RFC3: variants seen among roughly 807,000 people sequenced by gnomAD.
RFC3 encodes the protein replication factor C subunit 3, also known as A1 38 kDa subunit.
Under a neutral mutation model 45.1 loss-of-function variants are expected in RFC3, and 41 were observed. The ratio of observed to expected loss-of-function variants is 0.91; its 90% CI spans 0.71 to 1.18. The LOEUF is 1.18. Among genes scored for constraint, RFC3 ranks in the 50% most tolerant of loss-of-function variants. The pLI is 0.00. For missense variants in RFC3, 423 were observed against 428.1 expected (o/e 0.99, Z 0.10); for synonymous variants, 149 against 144.0 (o/e 1.03, Z -0.25).
chr13:33,959,670 G>A (rs548282037), intron 8 of RFC3, among the ~76,000 whole-genome samples: 1 of 152,106 alleles, frequency 6.6e-6, no homozygotes, highest in South Asian at 2.1e-4. Flanking sequence ...AGTGATCTCT[G>A]GCACTACATG....
chr13:33,971,263 A>T (rs1016046863), downstream of RFC3, among the ~76,000 whole-genome samples: 29 of 152,168 alleles, frequency 1.9e-4, no homozygotes, highest in African/African-American at 7.0e-4. Flanking sequence ...TTGGATGAAA[A>T]TTTTGACCTT....
At chr13:33,932,713 G>T (rs752223756) in intron 8 of RFC3, among the ~76,000 whole-genome samples, 2 of 152,128 alleles carry the variant, frequency 1.3e-5, no homozygotes, top group Non-Finnish European at 2.9e-5. Flanking sequence ...GTAAAATAAT[G>T]CATGGTCCAC....
At chr13:33,917,907 G>C (rs1363562702) in intron 8 of RFC3, among the ~76,000 whole-genome samples, 2 of 152,028 alleles carry the variant, frequency 1.3e-5, no homozygotes, top group East Asian at 1.9e-4. Flanking sequence ...AGCCAGTAAG[G>C]GGGTGTCAGA....
chr13:33,823,868 G>A, intron 2 of RFC3, 49 bp from the exon 3 acceptor site: 2 of 943,194 alleles, frequency 2.1e-6, no homozygotes, highest in South Asian at 1.6e-5. Context: ...AAAGAGTGGG[G>A]AAATAGGCAA....
At chr13:33,942,021 G>A (rs2082927472) in intron 8 of RFC3, among the ~76,000 whole-genome samples, 1 of 151,940 alleles carries the variant, frequency 6.6e-6, no homozygotes, top group Non-Finnish European at 1.5e-5. Context: ...ATGATCTGTT[G>A]AATTGTCAAT....
At chr13:33,855,067 C>T (rs944728709) in intron 8 of RFC3, among the ~76,000 whole-genome samples, 3 of 152,106 alleles carry the variant, frequency 2.0e-5, no homozygotes, top group African/African-American at 7.2e-5. Context: ...AACTCTACTT[C>T]CCTAAAAGGG....
intron 8 of RFC3, among the ~76,000 whole-genome samples, chr13:33,902,361 G>A (rs1211302928): frequency 1.3e-5 from 2 of 152,136 alleles, no homozygotes; most frequent in East Asian, 3.9e-4. Context: ...GTCTTTGCAG[G>A]TGACATACTA....
At chr13:33,876,755 G>A (rs76081673) in intron 8 of RFC3, among the ~76,000 whole-genome samples, 1,767 of 152,264 alleles carry the variant, frequency 0.012, 38 homozygotes, top group African/African-American at 0.041. Flanking sequence ...TCTTGGGTTT[G>A]CCTTAAATAA....
intron 8 of RFC3, among the ~76,000 whole-genome samples, chr13:33,943,857 A>G (rs1359992163): frequency 1.3e-5 from 2 of 152,222 alleles, no homozygotes; most frequent in Non-Finnish European, 2.9e-5. Flanking sequence ...TGTATTGGTT[A>G]GAAGCAAATT....
downstream of RFC3, among the ~76,000 whole-genome samples, chr13:33,842,345 A>T (rs2082205601): frequency 6.6e-6 from 1 of 152,062 alleles, no homozygotes; most frequent in Non-Finnish European, 1.5e-5. Context: ...ATTGCATGCC[A>T]TTCTGAGTAA....
At chr13:33,895,594 T>G (rs1415205758) in intron 8 of RFC3, among the ~76,000 whole-genome samples, 1 of 152,150 alleles carries the variant, frequency 6.6e-6, no homozygotes. Flanking sequence ...TTCTTAAAGG[T>G]CTGGATATTT....
intron 1 of RFC3, among the ~76,000 whole-genome samples, chr13:33,820,050 T>G (rs780610141): frequency 6.6e-6 from 1 of 152,194 alleles, no homozygotes. Flanking sequence ...AGATACGTAT[T>G]CCATTTTTTC....
At chr13:33,935,944 G>T (rs950635642) in intron 8 of RFC3, among the ~76,000 whole-genome samples, 3 of 152,212 alleles carry the variant, frequency 2.0e-5, no homozygotes, top group African/African-American at 7.2e-5. Flanking sequence ...GCTGCTGCAT[G>T]AACAGCATGG....
intron 8 of RFC3, among the ~76,000 whole-genome samples, chr13:33,855,552 A>T (rs144837383): frequency 1.3e-5 from 2 of 152,306 alleles, no homozygotes; most frequent in African/African-American, 4.8e-5. Context: ...GAAGTGCCAC[A>T]CTGCATTCCA....
chr13:33,919,124 A>G (rs768452718), intron 8 of RFC3, among the ~76,000 whole-genome samples: 11 of 152,132 alleles, frequency 7.2e-5, no homozygotes, highest in Non-Finnish European at 1.5e-4. Context: ...GTCGTCCCAA[A>G]CAATCATTAT....
At chr13:33,971,437 T>TGAACAA (rs2083108996), downstream of RFC3, among the ~76,000 whole-genome samples, 1 of 152,256 alleles carries the variant, frequency 6.6e-6, no homozygotes, top group Non-Finnish European at 1.5e-5. Context: ...TGCAGAAACA[T>TGAACAA]TTATCTTCAA....
intron 8 of RFC3, among the ~76,000 whole-genome samples, chr13:33,854,692 A>G (rs1199029701): frequency 6.6e-6 from 1 of 152,140 alleles, no homozygotes; most frequent in Non-Finnish European, 1.5e-5. Context: ...GACTGAATCT[A>G]GGGCACCATC....
chr13:33,947,114 T>C (rs1275616596), intron 8 of RFC3, among the ~76,000 whole-genome samples: 1 of 152,226 alleles, frequency 6.6e-6, no homozygotes, highest in Non-Finnish European at 1.5e-5. Flanking sequence ...CATGTTGATA[T>C]GGTTTGGCTC....
chr13:33,957,505 A>G (rs1315814147), intron 8 of RFC3, among the ~76,000 whole-genome samples: 1 of 152,236 alleles, frequency 6.6e-6, no homozygotes, highest in African/African-American at 2.4e-5. Context: ...CGTACCACTT[A>G]TGACTACTGA....
Sources: allele counts gnomAD v4.1 joint callset (sites outside exome capture counted in the v4.1 genomes callset), GRCh38; gene constraint gnomAD v4.1.1; transcripts MANE v1.5; gene names NCBI Gene and HGNC (gene_info 2026-07-23, HGNC 2026-07-21).